Variants in COL5A1 observed in about 807,000 individuals in gnomAD.
COL5A1 encodes collagen type V alpha 1 chain.
Under a neutral mutation model 263.7 loss-of-function variants are expected in COL5A1, and 16 were observed. That is an observed-to-expected ratio of 0.06 (90% confidence interval 0.04 to 0.09). The LOEUF (loss-of-function observed/expected upper bound fraction) is 0.09. Ranked by LOEUF, COL5A1 falls within the 10% of genes least tolerant of loss-of-function variation. COL5A1 has a pLI of 1.00. For synonymous variants in COL5A1, 1,012 were observed against 1,004.5 expected (o/e 1.01, Z -0.14); for missense variants, 2,036 against 2,540.5 (o/e 0.80, Z 4.27).
intron 13 of COL5A1, among the ~76,000 whole-genome samples, 159 bp from the exon 14 acceptor site, chr9:134,752,430 G>C (rs1055985292): frequency 1.4e-5 from 2 of 147,754 alleles, no homozygotes; most frequent in Admixed American, 6.7e-5. Flanking sequence ...GGGGGGGGGG[G>C]GCCCTTGGGG....
chr9:134,741,330 A>G lies in COL5A1; in HGVS notation c.1494+2522A>G, dbSNP rs891073795. Among the ~76,000 whole-genome samples the G allele has an allele frequency of 2.0e-5, 3 of 152,214 alleles. No individual in the cohort carries two copies. Among genetic ancestry groups the G allele is most frequent in the African/African-American group, 7.2e-5 (3 of 41,444 alleles). ...TCTTCTATGCACGGGGGCTTCGCAGACAAGAAGTAAAAACCAAAAAAAGTG... is the reference window on the plus strand; with the variant it reads ...TCTTCTATGCACGGGGGCTTCGCAGGCAAGAAGTAAAAACCAAAAAAAGTG... On this transcript the variant is annotated intron_variant, in intron 11 of 65. Coordinates refer to ENST00000371817, the MANE Select transcript of COL5A1 (RefSeq NM_000093.5). This position sits in a 1 kb window ranked among gnomAD's most constrained non-coding sequence, Gnocchi z 4.5.
chr9:134,830,833 T>C (rs887919663), intron 64 of COL5A1, among the ~76,000 whole-genome samples: 4 of 152,234 alleles, frequency 2.6e-5, no homozygotes, highest in African/African-American at 7.2e-5. Flanking sequence ...GACACATTGA[T>C]GTGAGGACAG....
At chr9:134,748,155 AT>A (rs1835635226) in intron 11 of COL5A1, among the ~76,000 whole-genome samples, 1 of 149,896 alleles carries the variant, frequency 6.7e-6, no homozygotes, top group African/African-American at 2.5e-5. Flanking sequence ...GCATTCACAC[AT>A]TCCACACGTG....
At chr9:134,732,258 C>G in intron 9 of COL5A1, 131 bp downstream of exon 9, 1 of 907,956 alleles carries the variant, frequency 1.1e-6, no homozygotes. Flanking sequence ...GAGCAACCAC[C>G]TGGTCTCGTG....
At chr9:134,785,572 T>G (rs1168993009) in intron 30 of COL5A1, among the ~76,000 whole-genome samples, 2 of 152,142 alleles carry the variant, frequency 1.3e-5, no homozygotes, top group Non-Finnish European at 2.9e-5. Flanking sequence ...CCACACACCC[T>G]GGCTCCACCC....
intron 1 of COL5A1, among the ~76,000 whole-genome samples, chr9:134,650,617 T>A (rs12005599): frequency 9.2e-5 from 14 of 152,114 alleles, no homozygotes; most frequent in African/African-American, 3.4e-4. Context: ...AAGGCCAGTC[T>A]AGGGAGGCAC....
At chr9:134,645,938 CCCCTCCATCCTT>C (rs1831461956) in intron 1 of COL5A1, among the ~76,000 whole-genome samples, 1 of 152,110 alleles carries the variant, frequency 6.6e-6, no homozygotes, top group African/African-American at 2.4e-5. Flanking sequence ...TTTCTCCTTC[CCCCTCCATCCTT>C]CCCTCCTTCC....
intron 1 of COL5A1, among the ~76,000 whole-genome samples, chr9:134,684,656 A>T (rs938411893): frequency 4.6e-5 from 7 of 152,202 alleles, no homozygotes; most frequent in African/African-American, 1.7e-4. Flanking sequence ...GTGACATGGA[A>T]TGCGGTTATT....
intron 4 of COL5A1, among the ~76,000 whole-genome samples, chr9:134,704,082 A>C (rs4240703): frequency 6.6e-6 from 1 of 151,996 alleles, no homozygotes; most frequent in East Asian, 1.9e-4. Context: ...ATAGTGCTTC[A>C]TTGATATTCT....
chr9:134,732,114 C>T lies in COL5A1; in HGVS notation c.1376C>T (p.Ala459Val), dbSNP rs781558600. Reference sequence around the variant, plus strand: ...GAGAAAGGCCAAAAGGGAGAACCAGCGATTATCGAGCCGGTGAGGACATTT... The same window carrying T: ...GAGAAAGGCCAAAAGGGAGAACCAGTGATTATCGAGCCGGTGAGGACATTT... The part of the protein sequence containing the change: ...RGEKGQKGEP[A>V]IIEPGMLIEG... Residue 459 changes from alanine (A) to valine (V), a missense_variant, in exon 9 of 66, where the codon GCG becomes GTG. By Grantham distance (64) the Ala-to-Val change is moderately conservative (BLOSUM62 0). This residue lies in a region of COL5A1 where 600 missense variants were observed against 634.5 expected (regional missense o/e 0.95). Transcript: ENST00000371817. 5.0e-6 allele frequency: 8 copies of T among 1,614,114 alleles called. No individual in the cohort carries two copies. The highest frequency in any genetic ancestry group is 1.3e-5 in the African/African-American group (1 of 74,938).
intron 28 of COL5A1, among the ~76,000 whole-genome samples, chr9:134,780,440 G>A (rs563203466): frequency 8.5e-5 from 13 of 152,296 alleles, no homozygotes; most frequent in African/African-American, 2.4e-4. Flanking sequence ...GACAACACAC[G>A]GCCCCCCACG....
At chr9:134,751,258 G>T (rs1336268012) in intron 13 of COL5A1, among the ~76,000 whole-genome samples, 1 of 151,314 alleles carries the variant, frequency 6.6e-6, no homozygotes, top group Non-Finnish European at 1.5e-5. Flanking sequence ...GAGATCATGG[G>T]GACTGTTTGG....
Position 134,812,492 on chromosome 9 carries a change from T to C in COL5A1, c.3734T>C (p.Val1245Ala). 6.2e-7 allele frequency: 1 copy of C among 1,614,120 alleles called. No homozygotes were observed. The highest frequency in any genetic ancestry group is 8.5e-7 in the Non-Finnish European group (1 of 1,180,028). The stretch of plus-strand genomic sequence containing the variant: ...GGCGAGAAGGGTGAGACAGGAGACG[T>C]GGGCCAGATGGTAAGTGTGCCTGAG... The part of the protein sequence containing the change: ...PPGEKGETGD[V>A]GQMGPPGPPG... Residue 1245 changes from valine (V) to alanine (A), a missense_variant, in exon 47 of 66, where the codon GTG (valine) becomes GCG (alanine). Around this residue, in one of 3 missense-constraint regions of COL5A1, gnomAD observed 1,078 missense variants for 1,521.4 expected, o/e 0.71. Coordinates refer to ENST00000371817, the MANE Select transcript of COL5A1 (RefSeq NM_000093.5).
chr9:134,668,946 C>CCCATCCTTCCACCCAT (rs200946165), intron 1 of COL5A1, among the ~76,000 whole-genome samples: 1 of 117,810 alleles, frequency 8.5e-6, no homozygotes, highest in Non-Finnish European at 1.7e-5. Context: ...CATCCTTCCA[C>CCCATCCTTCCACCCAT]CCACCCACCC....
rs796438194 is a variant in COL5A1, at chr9:134,765,104, C to T, written c.2035-577C>T. Among the ~76,000 whole-genome samples the T allele has an allele frequency of 3.9e-5, 6 of 152,098 alleles. No homozygotes were observed. The highest frequency in any genetic ancestry group is 7.4e-5 in the Non-Finnish European group (5 of 68,000). ...CACGAGCCTCGCCGACCGGAGAGGG[C>T]GTGCCAGCTCTTGCCCAGAGTAGCG... On this transcript the variant is annotated intron_variant, in intron 20 of 65. Transcript: ENST00000371817. This position sits in a 1 kb window ranked among gnomAD's most constrained non-coding sequence, Gnocchi z 5.1.
In COL5A1 at chr9:134,754,209, G is replaced by A. The variant is rs772067995; in HGVS notation, c.1774-64G>A. The A allele has an allele frequency of 3.2e-6, 5 of 1,554,104 alleles. No individual in the cohort carries two copies. In the East Asian group the frequency reaches 9.0e-5, roughly 28 times the overall value. On this transcript the variant is annotated intron_variant, in intron 15 of 65. Coordinates refer to ENST00000371817, the MANE Select transcript of COL5A1 (RefSeq NM_000093.5). The surrounding 1 kb of genome is among the most constrained non-coding windows in gnomAD (Gnocchi z 4.3). ...CAGGGTCGATGAGCACAGGGACAAG[G>A]CTTTGCTCTTTCTCCTGAGAAAGGC...
chr9:134,721,738 C>T (rs1401733826), intron 4 of COL5A1, among the ~76,000 whole-genome samples: 1 of 152,248 alleles, frequency 6.6e-6, no homozygotes, highest in Non-Finnish European at 1.5e-5. Context: ...AGCCATGGGG[C>T]TGGCCCGTGG....
intron 1 of COL5A1, among the ~76,000 whole-genome samples, chr9:134,666,445 C>A (rs1465308299): frequency 2.6e-5 from 4 of 152,212 alleles, no homozygotes; most frequent in African/African-American, 9.7e-5. Context: ...AAGGAGAATT[C>A]TCTTCTTGGG....
In COL5A1 at chr9:134,841,129, T is replaced by C. The variant is rs1840010129; in HGVS notation, c.5371-1028T>C. On this transcript the variant is annotated intron_variant, in intron 65 of 65. Transcript: ENST00000371817. The surrounding 1 kb of genome is among the most constrained non-coding windows in gnomAD (Gnocchi z 4.8). Reference sequence around the variant, plus strand: ...CTACTTGTTTATCTGATCATTTCTTTTGGGGATGGGGCAGTGGAAGGAGAT... The same window carrying C: ...CTACTTGTTTATCTGATCATTTCTTCTGGGGATGGGGCAGTGGAAGGAGAT... 6.6e-6 allele frequency among the ~76,000 whole-genome samples: 1 copy of C among 152,170 alleles called. No individual in the cohort carries two copies. Among genetic ancestry groups the C allele is most frequent in the Admixed American group, 6.5e-5 (1 of 15,278 alleles).
Sources: gnomAD v4.1 joint callset for allele counts (sites outside exome capture counted in the v4.1 genomes callset) on GRCh38, gnomAD v4.1.1 for gene constraint, gnomAD v4.1.1 regional missense constraint, Gnocchi (gnomAD v3.1) non-coding constraint, MANE v1.5 for transcripts, NCBI Gene and HGNC (gene_info 2026-07-23, HGNC 2026-07-21) for gene names.